The following NPAS3 variants were observed in gnomAD, a reference collection of about 807,000 sequenced individuals.
NPAS3 encodes neuronal PAS domain-containing protein 3.
A neutral mutation model predicts 73.1 loss-of-function variants in NPAS3; 14 were observed. The ratio of observed to expected loss-of-function variants is 0.19; its 90% CI spans 0.13 to 0.30. The LOEUF (loss-of-function observed/expected upper bound fraction) is 0.30, where lower values mean the gene tolerates loss of function less well. NPAS3 is among the 10% of genes least tolerant of loss of function. The probability of loss-of-function intolerance (pLI) is 1.00; values close to 1 mark genes in which losing one functional copy is unlikely to be tolerated. For synonymous variants in NPAS3, 620 were observed against 541.5 expected (o/e 1.14, Z -2.01); for missense variants, 1,096 against 1,250.0 (o/e 0.88, Z 1.86).
chr14:33,099,021 G>C (rs1319060450), intron 2 of NPAS3, among the ~76,000 whole-genome samples: 1 of 152,198 alleles, frequency 6.6e-6, no homozygotes, highest in Non-Finnish European at 1.5e-5. Flanking sequence ...TCTATCCAGA[G>C]AAAGAACCTT....
chr14:33,038,562 T>A (rs1029210889), intron 1 of NPAS3, among the ~76,000 whole-genome samples: 1 of 152,118 alleles, frequency 6.6e-6, no homozygotes, highest in South Asian at 2.1e-4. Context: ...TAAAATGATA[T>A]AATGTGTAGT....
intron 1 of NPAS3, among the ~76,000 whole-genome samples, chr14:33,020,197 A>G (rs1033572698): frequency 1.3e-5 from 2 of 152,218 alleles, no homozygotes; most frequent in African/African-American, 4.8e-5. Context: ...ATGCCTTCTG[A>G]AGAACAAAGA....
intron 5 of NPAS3, among the ~76,000 whole-genome samples, chr14:33,589,684 A>C (rs1160123739): frequency 2.6e-5 from 4 of 152,102 alleles, no homozygotes; most frequent in Admixed American, 2.6e-4. Flanking sequence ...TACTTGAAAA[A>C]AAGATATAAA....
At chr14:33,802,281 T>G (rs530708052), downstream of NPAS3, 1 of 151,668 alleles carries the variant, frequency 6.6e-6, no homozygotes, top group East Asian at 1.9e-4. Context: ...TTCCCTTTGG[T>G]TCTTATTTCT....
chr14:33,140,298 C>A (rs1401188428), intron 2 of NPAS3, among the ~76,000 whole-genome samples: 1 of 152,062 alleles, frequency 6.6e-6, no homozygotes, highest in African/African-American at 2.4e-5. Context: ...AAATGGATTG[C>A]ACTCTTGTTG....
chr14:33,056,478 A>C (rs2040893130), intron 2 of NPAS3, among the ~76,000 whole-genome samples: 2 of 152,258 alleles, frequency 1.3e-5, no homozygotes, highest in Admixed American at 1.3e-4. Context: ...TTAACATGCT[A>C]GCTAAGATTT....
intron 1 of NPAS3, among the ~76,000 whole-genome samples, chr14:32,945,005 G>A (rs377721975): frequency 1.4e-4 from 21 of 152,142 alleles, no homozygotes; most frequent in African/African-American, 3.1e-4. Flanking sequence ...GTGGTTATGC[G>A]TGCCAGGTAC....
At chr14:33,458,561 A>G (rs1237612473) in intron 4 of NPAS3, among the ~76,000 whole-genome samples, 1 of 152,242 alleles carries the variant, frequency 6.6e-6, no homozygotes, top group Non-Finnish European at 1.5e-5. Flanking sequence ...TTCTTGAAGA[A>G]GGAAACATAA....
intron 4 of NPAS3, among the ~76,000 whole-genome samples, chr14:33,535,984 C>T (rs2054243687): frequency 1.3e-5 from 2 of 152,116 alleles, no homozygotes; most frequent in South Asian, 4.1e-4. Context: ...CTCTCTTTGG[C>T]CATAGAACAG....
chr14:33,735,367 T>C, intron 7 of NPAS3, 35 bp downstream of exon 7: 1 of 1,400,654 alleles, frequency 7.1e-7, no homozygotes, highest in Middle Eastern at 1.8e-4. Context: ...CATTGCTGTC[T>C]CAGGCCAGTC....
chr14:33,204,710 T>C (rs2046758596), intron 2 of NPAS3, among the ~76,000 whole-genome samples: 1 of 152,086 alleles, frequency 6.6e-6, no homozygotes, highest in South Asian at 2.1e-4. Context: ...ATAAAGGACA[T>C]AGAAACCCTA....
At chr14:33,543,271 G>T (rs1383951477) in intron 4 of NPAS3, among the ~76,000 whole-genome samples, 1 of 152,102 alleles carries the variant, frequency 6.6e-6, no homozygotes, top group African/African-American at 2.4e-5. Context: ...TATGAAGAGG[G>T]GACAGTGGAA....
chr14:33,495,283 G>A (rs145356814), intron 4 of NPAS3, among the ~76,000 whole-genome samples: 17 of 152,128 alleles, frequency 1.1e-4, no homozygotes, highest in South Asian at 4.1e-4. Flanking sequence ...GTAGTTGTGC[G>A]GTTTTGAATG....
intron 7 of NPAS3, among the ~76,000 whole-genome samples, chr14:33,770,439 A>G (rs542072596): frequency 5.3e-5 from 8 of 152,158 alleles, no homozygotes; most frequent in African/African-American, 1.7e-4. Flanking sequence ...TCTCCCTCTT[A>G]TGGCAATATT....
intron 2 of NPAS3, among the ~76,000 whole-genome samples, chr14:33,204,319 G>A (rs925371333): frequency 1.3e-5 from 2 of 152,072 alleles, no homozygotes; most frequent in Non-Finnish European, 2.9e-5. Context: ...TCATGCCATA[G>A]AGCCACCCTA....
At chr14:33,636,545 A>G (rs2058520995) in intron 5 of NPAS3, among the ~76,000 whole-genome samples, 1 of 152,214 alleles carries the variant, frequency 6.6e-6, no homozygotes, top group South Asian at 2.1e-4. Flanking sequence ...CCTGCCATGT[A>G]GTCACTCACT....
chr14:33,139,944 T>TG (rs1412509604), intron 2 of NPAS3, among the ~76,000 whole-genome samples: 1 of 24,296 alleles, frequency 4.1e-5, no homozygotes, highest in Non-Finnish European at 1.3e-4. Flanking sequence ...GCCTGCATGA[T>TG]TTTTTTTTTC....
chr14:33,789,814 C>T (rs1210487146), intron 9 of NPAS3, among the ~76,000 whole-genome samples: 1 of 151,686 alleles, frequency 6.6e-6, no homozygotes, highest in Non-Finnish European at 1.5e-5. Flanking sequence ...TGGTCTCGAT[C>T]TCCTGACCTC....
At chr14:33,468,934 T>A (rs2050654216) in intron 4 of NPAS3, among the ~76,000 whole-genome samples, 1 of 152,128 alleles carries the variant, frequency 6.6e-6, no homozygotes, top group South Asian at 2.1e-4. Context: ...CCGGTTGGAA[T>A]CCAAAAGACC....
Sources: allele counts gnomAD v4.1 joint callset (sites outside exome capture counted in the v4.1 genomes callset), GRCh38; gene constraint gnomAD v4.1.1; transcripts MANE v1.5; gene names NCBI Gene and HGNC (gene_info 2026-07-23, HGNC 2026-07-21).